ATXN7L1: variants seen among roughly 807,000 people sequenced by gnomAD.
The protein encoded by ATXN7L1 is ataxin 7 like 1, also known as ataxin-7-like protein 1.
In ATXN7L1, 15 loss-of-function variants were observed where a neutral mutation model predicts 70.8. That is an observed-to-expected ratio of 0.21 (90% CI 0.14 to 0.33). The LOEUF is 0.33. Ranked by LOEUF, ATXN7L1 falls within the 10% of genes least tolerant of loss-of-function variation. ATXN7L1 has a pLI of 1.00. For missense variants in ATXN7L1, 975 were observed against 1,097.1 expected, an observed-to-expected ratio of 0.89 and a Z score of 1.57; for synonymous variants, 440 against 445.1, an observed-to-expected ratio of 0.99 and a Z score of 0.14.
intron 3 of ATXN7L1, among the ~76,000 whole-genome samples, chr7:105,782,627 T>C (rs1803696734): frequency 6.6e-6 from 1 of 152,200 alleles, no homozygotes; most frequent in Non-Finnish European, 1.5e-5. Context: ...GGGCTCCATG[T>C]CACCCCTGTA....
intron 2 of ATXN7L1, among the ~76,000 whole-genome samples, chr7:105,815,789 G>A (rs1217959111): frequency 6.6e-6 from 1 of 152,220 alleles, no homozygotes; most frequent in Admixed American, 6.5e-5. Flanking sequence ...AGCTTGCCTA[G>A]GGAATCACAA....
At chr7:105,798,102 T>C (rs1806264084) in intron 2 of ATXN7L1, among the ~76,000 whole-genome samples, 1 of 152,238 alleles carries the variant, frequency 6.6e-6, no homozygotes, top group Non-Finnish European at 1.5e-5. Flanking sequence ...TCTCTATTTA[T>C]TCACTCTTTG....
At chr7:105,669,324 C>T (rs1397595702) in intron 3 of ATXN7L1, among the ~76,000 whole-genome samples, 4 of 152,034 alleles carry the variant, frequency 2.6e-5, no homozygotes, top group Non-Finnish European at 5.9e-5. Flanking sequence ...TCAAGTGATC[C>T]GCCTGCTGGG....
At chr7:105,781,247 C>T (rs1803482669) in intron 3 of ATXN7L1, among the ~76,000 whole-genome samples, 1 of 151,874 alleles carries the variant, frequency 6.6e-6, no homozygotes, top group South Asian at 2.1e-4. Flanking sequence ...AGATAAGGAC[C>T]CCCCAAAAAA....
intron 2 of ATXN7L1, among the ~76,000 whole-genome samples, chr7:105,868,807 T>G (rs1456094445): frequency 6.6e-6 from 1 of 152,150 alleles, no homozygotes; most frequent in Non-Finnish European, 1.5e-5. Context: ...CTTCTAGCAG[T>G]AAAAACATTA....
intron 3 of ATXN7L1, among the ~76,000 whole-genome samples, chr7:105,756,650 G>GAA (rs1263129004): frequency 6.6e-6 from 1 of 152,144 alleles, no homozygotes; most frequent in Non-Finnish European, 1.5e-5. Context: ...CAGATGAAAG[G>GAA]AAGATTAAAT....
chr7:105,792,247 C>A (rs1208863597), intron 2 of ATXN7L1, among the ~76,000 whole-genome samples: 2 of 152,176 alleles, frequency 1.3e-5, no homozygotes, highest in Admixed American at 6.5e-5. Context: ...GAAGTGTCAA[C>A]CTTGTACGTG....
rs1250912764 is a variant in ATXN7L1 at position 105,727,763 on chromosome 7, TATATATATATATATACAC to T, written c.355+60823_355+60840del. Among the ~76,000 whole-genome samples the T allele has an allele frequency of 8.8e-3, 820 of 93,364 alleles. 23 individuals are homozygous for T. The highest frequency in any genetic ancestry group is 0.032 in the African/African-American group (779 of 24,350). 61.3% of individuals were successfully genotyped at this position (93,364 alleles called of 152,430 possible). On this transcript the variant is annotated intron_variant, in intron 3 of 11. Transcript: ENST00000419735. ...GTATGTGTGTATATATATATATATA[TATATATATATATATACAC>T]ACACATACACACATATATATATGTA...
At chr7:105,643,258 G>A in intron 4 of ATXN7L1, 137 bp from the exon 5 acceptor site, 1 of 1,072,552 alleles carries the variant, frequency 9.3e-7, no homozygotes, top group Non-Finnish European at 1.3e-6. Flanking sequence ...AGCAGCATGA[G>A]TCCAGTTTTG....
intron 2 of ATXN7L1, among the ~76,000 whole-genome samples, chr7:105,806,075 C>A (rs1585047913): frequency 6.6e-6 from 1 of 152,066 alleles, no homozygotes. Flanking sequence ...TTGGAACTGA[C>A]CACTGTGGGA....
chr7:105,780,899 T>G (rs1020047825), intron 3 of ATXN7L1, among the ~76,000 whole-genome samples: 1 of 152,206 alleles, frequency 6.6e-6, no homozygotes, highest in East Asian at 1.9e-4. Context: ...CATAAACACA[T>G]ATTTTACTTT....
chr7:105,749,012 G>A (rs1399117616), intron 3 of ATXN7L1, among the ~76,000 whole-genome samples: 1 of 152,198 alleles, frequency 6.6e-6, no homozygotes, highest in African/African-American at 2.4e-5. Context: ...TGCATGAGGA[G>A]AAGGAAGGGA....
chr7:105,618,005 G>A, intron 9 of ATXN7L1: 1 of 456,774 alleles, frequency 2.2e-6, no homozygotes, highest in Non-Finnish European at 4.4e-6. Flanking sequence ...TGACACCCAG[G>A]CAGCCCCAAT....
At chr7:105,738,490 A>C (rs1797658995) in intron 3 of ATXN7L1, among the ~76,000 whole-genome samples, 1 of 152,228 alleles carries the variant, frequency 6.6e-6, no homozygotes. Context: ...AATATAACTA[A>C]ATCACACTAG....
Position 105,624,066 on chromosome 7 carries a change from G to T in ATXN7L1, c.1395+9C>A. On this transcript the variant is annotated intron_variant, in intron 8 of 11. Coordinates refer to ENST00000419735, the MANE Select transcript of ATXN7L1 (RefSeq NM_020725.2). ...AAGAACGCATGGCAAGGAACGGAAG[G>T]AGGCCTACCGCCAGAGGTCTGGGGT... 7.1e-7 allele frequency: 1 copy of T among 1,401,318 alleles called. No homozygotes were observed. The highest frequency in any genetic ancestry group is 1.6e-5 in the South Asian group (1 of 61,522). 86.8% of individuals were successfully genotyped at this position (1,401,318 alleles called of 1,614,324 possible).
chr7:105,682,110 A>G (rs991938923), intron 3 of ATXN7L1, among the ~76,000 whole-genome samples: 20 of 152,146 alleles, frequency 1.3e-4, no homozygotes, highest in Non-Finnish European at 1.5e-5. Flanking sequence ...CTGTAGTCCC[A>G]GCTACTGGGG....
intron 5 of ATXN7L1, among the ~76,000 whole-genome samples, chr7:105,642,555 C>A (rs1376221385): frequency 6.6e-6 from 1 of 152,248 alleles, no homozygotes. Flanking sequence ...ACAAGACCCT[C>A]GGAATCTACA....
chr7:105,813,635 C>CCCA (rs1279094558), intron 2 of ATXN7L1, among the ~76,000 whole-genome samples: 2 of 152,130 alleles, frequency 1.3e-5, no homozygotes, highest in African/African-American at 2.4e-5. Flanking sequence ...CTGTGCTCGG[C>CCCA]CCACAATCTA....
intron 2 of ATXN7L1, among the ~76,000 whole-genome samples, chr7:105,859,735 C>T (rs1275396093): frequency 6.6e-6 from 1 of 151,872 alleles, no homozygotes; most frequent in Non-Finnish European, 1.5e-5. Context: ...CAGAACATAT[C>T]CCCATCATTA....
Sources: allele counts gnomAD v4.1 joint callset (sites outside exome capture counted in the v4.1 genomes callset), GRCh38; gene constraint gnomAD v4.1.1; transcripts MANE v1.5; gene names NCBI Gene and HGNC (gene_info 2026-07-23, HGNC 2026-07-21).